ADAMTS16: variants seen among roughly 807,000 people sequenced by gnomAD.
ADAMTS16 encodes the protein A disintegrin and metalloproteinase with thrombospondin motifs 16.
Under a neutral mutation model 145.8 loss-of-function variants are expected in ADAMTS16, and 94 were observed. The observed-to-expected ratio is 0.64, with a 90% confidence interval of 0.55 to 0.77. ADAMTS16 has a LOEUF of 0.77. Among genes scored for constraint, ADAMTS16 ranks in the 30% least tolerant of loss-of-function variants. The pLI is 0.00. For synonymous variants in ADAMTS16, 659 were observed against 604.3 expected, an observed-to-expected ratio of 1.09 and a Z score of -1.33; for missense variants, 1,585 against 1,591.5, an observed-to-expected ratio of 1.00 and a Z score of 0.07.
At chr5:5,246,766 C>T (rs1039678734) in intron 17 of ADAMTS16, among the ~76,000 whole-genome samples, 1 of 152,098 alleles carries the variant, frequency 6.6e-6, no homozygotes, top group African/African-American at 2.4e-5. Flanking sequence ...TACTTCGATC[C>T]AGTGATTTTT....
chr5:5,195,271 A>G (rs4701694), intron 8 of ADAMTS16, among the ~76,000 whole-genome samples: 104,044 of 152,138 alleles, frequency 0.68, 36,303 homozygotes, highest in South Asian at 0.8. Flanking sequence ...ATCACTTGAC[A>G]CAGGACATGT....
At chr5:5,205,033 A>G (rs565653325) in intron 9 of ADAMTS16, among the ~76,000 whole-genome samples, 1 of 152,320 alleles carries the variant, frequency 6.6e-6, no homozygotes, top group East Asian at 1.9e-4. Flanking sequence ...CCACTTGAAT[A>G]ACCTTTTCCT....
intron 21 of ADAMTS16, among the ~76,000 whole-genome samples, chr5:5,316,541 G>C (rs1327063198): frequency 2.6e-5 from 4 of 152,156 alleles, no homozygotes; most frequent in Non-Finnish European, 5.9e-5. Flanking sequence ...TTTATTTTCA[G>C]TGGTTGATCT....
intron 15 of ADAMTS16, among the ~76,000 whole-genome samples, 171 bp from the exon 16 acceptor site, chr5:5,239,510 G>A (rs1353197123): frequency 6.6e-6 from 1 of 152,190 alleles, no homozygotes; most frequent in Non-Finnish European, 1.5e-5. Context: ...TGCTCCAATT[G>A]ATAAAAAGCA....
chr5:5,231,279 T>C lies in ADAMTS16; in HGVS notation c.1702-1089T>C, dbSNP rs559136988. ...TTTACTCTTCAGAATTTCTTGTTTT[T>C]AAATGGAATTGTTCTTACTTAAATA... On this transcript the variant is annotated intron_variant, in intron 11 of 22. Transcript: ENST00000274181. Among the ~76,000 whole-genome samples, 123 of 152,352 alleles carry C rather than the reference T, an allele frequency of 8.1e-4. 1 individual carries two copies. Among genetic ancestry groups the C allele is most frequent in the Non-Finnish European group, 1.4e-3 (94 of 68,034 alleles).
intron 12 of ADAMTS16, 59 bp from the exon 13 acceptor site, chr5:5,234,955 T>G: frequency 1.4e-6 from 2 of 1,402,210 alleles, no homozygotes; most frequent in South Asian, 3.6e-5. Flanking sequence ...AAGCCTAATT[T>G]TAAAGAATTT....
intron 18 of ADAMTS16, among the ~76,000 whole-genome samples, chr5:5,295,828 A>G (rs1739506050): frequency 6.6e-6 from 1 of 152,224 alleles, no homozygotes; most frequent in African/African-American, 2.4e-5. Flanking sequence ...ACAGGAAGTT[A>G]TATACCCAGT....
At chr5:5,204,047 G>A (rs1736025576) in intron 9 of ADAMTS16, among the ~76,000 whole-genome samples, 4 of 152,098 alleles carry the variant, frequency 2.6e-5, no homozygotes, top group Admixed American at 2.6e-4. Context: ...GTGCCAGGGT[G>A]ACTCTAAGAC....
At chr5:5,223,273 T>A (rs932316640) in intron 11 of ADAMTS16, 4 of 172,158 alleles carry the variant, frequency 2.3e-5, no homozygotes, top group African/African-American at 7.1e-5. Flanking sequence ...CACCTATTGT[T>A]GCCTCTGTGA....
In ADAMTS16 at chr5:5,239,131, T is replaced by G; in HGVS notation, c.2155-20T>G. On this transcript the variant is annotated intron_variant, in intron 14 of 22. Transcript: ENST00000274181. ...TGTCCTTTCTTTCATGAATGACATG[T>G]GACCTCATGGGCCCTCCAGAGAGTT... The G allele has an allele frequency of 6.7e-7, 1 of 1,496,014 alleles. No homozygotes were observed. Among genetic ancestry groups the G allele is most frequent in the Non-Finnish European group, 8.9e-7 (1 of 1,122,406 alleles). 92.7% of individuals were successfully genotyped at this position (1,496,014 alleles called of 1,614,324 possible). A position where few individuals can be genotyped will look rare whatever the true frequency, so the allele number is the denominator to read the frequency against.
chr5:5,189,942 G>A, intron 6 of ADAMTS16, 29 bp from the exon 7 acceptor site: 1 of 1,606,942 alleles, frequency 6.2e-7, no homozygotes, highest in Non-Finnish European at 8.5e-7. Flanking sequence ...TCATTATCAT[G>A]GGGTCCTCGG....
chr5:5,151,274 T>A (rs1222377140), intron 3 of ADAMTS16, among the ~76,000 whole-genome samples: 2 of 151,806 alleles, frequency 1.3e-5, no homozygotes, highest in Non-Finnish European at 2.9e-5. Flanking sequence ...AGTCTCACCC[T>A]GTTGCCCAGG....
rs1490462243 is a variant in ADAMTS16, at chr5:5,222,893, C to A, written c.1701+9C>A. ...TTTGTGGGCATGACATGGTAAGAAG[C>A]TAACTGTAGGTACAGCATCGTATTC... On this transcript the variant is annotated intron_variant, in intron 11 of 22. Transcript: ENST00000274181. 1.2e-6 allele frequency: 2 copies of A among 1,613,030 alleles called. No individual in the cohort carries two copies. The highest frequency in any genetic ancestry group is 1.7e-6 in the Non-Finnish European group (2 of 1,179,122).
In ADAMTS16 at chr5:5,164,834, G is replaced by A. The variant is rs1175181391; in HGVS notation, c.502-17210G>A. 1.3e-5 allele frequency among the ~76,000 whole-genome samples: 2 copies of A among 151,960 alleles called. 1 individual carries two copies. Among genetic ancestry groups the A allele is most frequent in the Non-Finnish European group, 2.9e-5 (2 of 67,978 alleles). On this transcript the variant is annotated intron_variant, in intron 3 of 22. Coordinates refer to ENST00000274181, the MANE Select transcript of ADAMTS16 (RefSeq NM_139056.4). ...TGGGACTACAGGCGCCCGCCACCACGCCCGGCTAATTTTTTGTATTTTTAG... is the reference window on the plus strand; with the variant it reads ...TGGGACTACAGGCGCCCGCCACCACACCCGGCTAATTTTTTGTATTTTTAG...
At chr5:5,232,315 C>T (rs1461200445) in intron 11 of ADAMTS16, 53 bp from the exon 12 acceptor site, 8 of 1,601,386 alleles carry the variant, frequency 5.0e-6, no homozygotes, top group Non-Finnish European at 6.0e-6. Context: ...TGAGATGAAC[C>T]CATCTATCCA....
chr5:5,212,214 G>GTT (rs563286650), intron 10 of ADAMTS16, among the ~76,000 whole-genome samples: 63 of 100,646 alleles, frequency 6.3e-4, no homozygotes, highest in African/African-American at 1.7e-3. Context: ...GTTTTGTTTT[G>GTT]TTTTTTTTTT....
intron 18 of ADAMTS16, among the ~76,000 whole-genome samples, chr5:5,298,029 A>G (rs6555347): frequency 0.76 from 115,927 of 152,116 alleles, 44,541 homozygotes; most frequent in South Asian, 0.82. Context: ...CCGTTCCCAC[A>G]TGAAAAACCA....
chr5:5,237,705 C>T (rs910368328), intron 14 of ADAMTS16, among the ~76,000 whole-genome samples: 6 of 151,952 alleles, frequency 3.9e-5, no homozygotes, highest in African/African-American at 1.5e-4. Context: ...TGGGTGAGAG[C>T]CTGGGCCACT....
chr5:5,215,870 G>GTGTATGTATA (rs1260354840), intron 10 of ADAMTS16, among the ~76,000 whole-genome samples: 11 of 101,634 alleles, frequency 1.1e-4, no homozygotes. Context: ...GTGTGTATGT[G>GTGTATGTATA]TATATATATA....
Sources: allele counts gnomAD v4.1 joint callset (sites outside exome capture counted in the v4.1 genomes callset), GRCh38; gene constraint gnomAD v4.1.1; transcripts MANE v1.5; gene names NCBI Gene and HGNC (gene_info 2026-07-23, HGNC 2026-07-21).